UNC5C: variants seen among roughly 807,000 people sequenced by gnomAD.
UNC5C encodes the protein unc-5 netrin receptor C.
Under a neutral mutation model 99.8 loss-of-function variants are expected in UNC5C, and 47 were observed. The observed-to-expected ratio is 0.47, with a 90% CI of 0.37 to 0.60. The LOEUF is 0.60. Ranked by LOEUF, UNC5C falls within the 20% of genes least tolerant of loss-of-function variation. UNC5C has a pLI of 0.00. For synonymous variants in UNC5C, 487 were observed against 452.2 expected (o/e 1.08, Z -0.98); for missense variants, 1,062 against 1,165.9 (o/e 0.91, Z 1.30).
intron 2 of UNC5C, among the ~76,000 whole-genome samples, chr4:95,308,885 T>C (rs969091020): frequency 1.4e-5 from 2 of 147,528 alleles, no homozygotes; most frequent in Non-Finnish European, 1.5e-5. Context: ...TTTAATGAAA[T>C]CCATATCAAA....
intron 7 of UNC5C, among the ~76,000 whole-genome samples, chr4:95,237,457 C>A (rs1195742427): frequency 6.6e-6 from 1 of 152,052 alleles, no homozygotes; most frequent in Non-Finnish European, 1.5e-5. Context: ...TATAAGTAAC[C>A]TTCAAAGCCT....
chr4:95,211,210 C>T (rs1738064516), intron 10 of UNC5C, among the ~76,000 whole-genome samples: 1 of 152,182 alleles, frequency 6.6e-6, no homozygotes, highest in African/African-American at 2.4e-5. Flanking sequence ...ATAATCCCAC[C>T]CTAGGCTCAG....
chr4:95,461,453 ATTG>A (rs1406672873), intron 1 of UNC5C, among the ~76,000 whole-genome samples: 2 of 150,312 alleles, frequency 1.3e-5, no homozygotes, highest in Non-Finnish European at 2.9e-5. Context: ...ATTATAAATT[ATTG>A]TTGGCTTGTC....
intron 1 of UNC5C, among the ~76,000 whole-genome samples, chr4:95,407,589 G>T (rs557786015): frequency 6.6e-6 from 1 of 152,142 alleles, no homozygotes; most frequent in East Asian, 1.9e-4. Flanking sequence ...GAAGCACTTA[G>T]GGATACATTA....
chr4:95,201,431 G>A, intron 12 of UNC5C, among the ~76,000 whole-genome samples: 1 of 152,088 alleles, frequency 6.6e-6, no homozygotes, highest in East Asian at 1.9e-4. Flanking sequence ...ACTGAAGTCA[G>A]GCTGATATTT....
chr4:95,441,064 A>T (rs529702142), intron 1 of UNC5C, among the ~76,000 whole-genome samples: 20 of 152,326 alleles, frequency 1.3e-4, no homozygotes, highest in African/African-American at 4.1e-4. Context: ...AATAGAGTCT[A>T]TATACTATTG....
intron 1 of UNC5C, among the ~76,000 whole-genome samples, chr4:95,512,496 G>C (rs1722102251): frequency 6.6e-6 from 1 of 152,130 alleles, no homozygotes; most frequent in Non-Finnish European, 1.5e-5. Context: ...GAGAGTTCAT[G>C]TATAAAATAA....
intron 1 of UNC5C, among the ~76,000 whole-genome samples, chr4:95,534,946 C>T (rs533613575): frequency 1.6e-4 from 25 of 152,180 alleles, no homozygotes; most frequent in Middle Eastern, 3.4e-3. Flanking sequence ...GTTTCTGTTC[C>T]TTTATAAAGA....
At chr4:95,508,161 G>T (rs1485290699) in intron 1 of UNC5C, among the ~76,000 whole-genome samples, 1 of 151,562 alleles carries the variant, frequency 6.6e-6, no homozygotes, top group East Asian at 1.9e-4. Context: ...GGGTTTAAAG[G>T]CAACAATTCT....
At chr4:95,432,569 AC>A (rs1560830627) in intron 1 of UNC5C, among the ~76,000 whole-genome samples, 1 of 151,868 alleles carries the variant, frequency 6.6e-6, no homozygotes, top group Non-Finnish European at 1.5e-5. Context: ...ATAATCCCTC[AC>A]CCCCTACCTT....
At chr4:95,320,108 A>G (rs1047572668) in intron 2 of UNC5C, among the ~76,000 whole-genome samples, 5 of 152,124 alleles carry the variant, frequency 3.3e-5, no homozygotes, top group Admixed American at 1.3e-4. Context: ...GACAACCCCA[A>G]ACTTTTAAAA....
intron 1 of UNC5C, among the ~76,000 whole-genome samples, chr4:95,397,786 G>A (rs1422273365): frequency 6.6e-6 from 1 of 152,114 alleles, no homozygotes; most frequent in Admixed American, 6.5e-5. Flanking sequence ...ATTTGACATA[G>A]ACTTTACAGA....
intron 1 of UNC5C, among the ~76,000 whole-genome samples, chr4:95,467,473 C>A (rs1054283818): frequency 6.6e-6 from 1 of 152,236 alleles, no homozygotes; most frequent in Admixed American, 6.5e-5. Context: ...CATATATTTT[C>A]TTTTCACATT....
At chr4:95,221,443 A>G (rs1738465068) in intron 7 of UNC5C, among the ~76,000 whole-genome samples, 1 of 152,208 alleles carries the variant, frequency 6.6e-6, no homozygotes, top group Non-Finnish European at 1.5e-5. Context: ...TTACATGGTG[A>G]AATAACTCAT....
intron 2 of UNC5C, among the ~76,000 whole-genome samples, chr4:95,330,591 T>G (rs1743073416): frequency 6.6e-6 from 1 of 152,152 alleles, no homozygotes; most frequent in Non-Finnish European, 1.5e-5. Context: ...TTTTATCACC[T>G]ATTTTCTCTA....
rs1241848993 is a variant in UNC5C, at chr4:95,359,921, G to T, written c.125-24290C>A. ...ATTTAATTCTCACAATAGCACCGTG[G>T]GTAATATCATTACTGCCATTCTGAA... is the stretch of plus-strand genomic sequence containing the variant. On this transcript the variant is annotated intron_variant, in intron 1 of 15. Coordinates refer to ENST00000453304, the MANE Select transcript of UNC5C (RefSeq NM_003728.4). Among the ~76,000 whole-genome samples the T allele has an allele frequency of 3.3e-5, 5 of 152,148 alleles. No homozygotes were observed. In the East Asian group the frequency reaches 9.7e-4, roughly 29 times the overall value.
At position 95,250,746 on chromosome 4, in the gene UNC5C, C is replaced by T. The variant is rs551844591; in HGVS notation, c.595-79G>A. 32 of 1,414,424 alleles carry T rather than the reference C, an allele frequency of 2.3e-5. No homozygotes were observed. The African/African-American group carries it at 4.1e-4, about 18-fold the overall frequency. The allele number at this position is 1,414,424 out of a possible 1,614,324, so 87.6% of individuals were successfully genotyped here. A position where few individuals can be genotyped will look rare whatever the true frequency, so the allele number is the denominator to read the frequency against. ...TGTCTGTCCTAACCTGCATTTTGTA[C>T]ACTTGATCTTAGCCAAAAGGCCGAG... is the stretch of plus-strand genomic sequence containing the variant. On this transcript the variant is annotated intron_variant, in intron 4 of 15. Coordinates refer to ENST00000453304, the MANE Select transcript of UNC5C (RefSeq NM_003728.4).
rs565485852 is a variant in UNC5C, at chr4:95,429,310, A to T, written c.125-93679T>A. 2.6e-5 allele frequency among the ~76,000 whole-genome samples: 4 copies of T among 151,720 alleles called. No individual in the cohort carries two copies. In the East Asian group the frequency reaches 7.8e-4, roughly 29 times the overall value. The stretch of plus-strand genomic sequence containing the variant: ...AAAAAAAAAAAAACAAACAAAAAAA[A>T]CAAGCCAACAAATTGGAATTTTACC... On this transcript the variant is annotated intron_variant, in intron 1 of 15. Coordinates refer to ENST00000453304, the MANE Select transcript of UNC5C (RefSeq NM_003728.4).
intron 2 of UNC5C, among the ~76,000 whole-genome samples, chr4:95,302,241 A>G (rs2149404351): frequency 6.6e-6 from 1 of 152,366 alleles, no homozygotes; most frequent in African/African-American, 2.4e-5. Flanking sequence ...CTTGAAACAG[A>G]TACTAACCTT....
Sources: allele counts gnomAD v4.1 joint callset (sites outside exome capture counted in the v4.1 genomes callset), GRCh38; gene constraint gnomAD v4.1.1; transcripts MANE v1.5; gene names NCBI Gene and HGNC (gene_info 2026-07-23, HGNC 2026-07-21).